Variants in FOXN3 observed in about 807,000 individuals in gnomAD.
FOXN3 encodes the protein forkhead box protein N3.
Under a neutral mutation model 38.4 loss-of-function variants are expected in FOXN3, and 7 were observed. That is an observed-to-expected ratio of 0.18 (90% confidence interval 0.10 to 0.34). The LOEUF (loss-of-function observed/expected upper bound fraction) is 0.34. Among genes scored for constraint, FOXN3 ranks in the 10% least tolerant of loss-of-function variants. FOXN3 has a pLI of 1.00. For missense variants in FOXN3, 456 were observed against 613.4 expected, an observed-to-expected ratio of 0.74 and a Z score of 2.71; for synonymous variants, 230 against 242.2, an observed-to-expected ratio of 0.95 and a Z score of 0.47.
At chr14:89,584,419 A>C (rs1027613478) in intron 1 of FOXN3, among the ~76,000 whole-genome samples, 7 of 152,080 alleles carry the variant, frequency 4.6e-5, no homozygotes, top group African/African-American at 1.7e-4. Flanking sequence ...AATAATAAAT[A>C]AATAACCTAG....
At chr14:89,229,152 T>C (rs1884726427) in intron 4 of FOXN3, among the ~76,000 whole-genome samples, 1 of 152,114 alleles carries the variant, frequency 6.6e-6, no homozygotes, top group Non-Finnish European at 1.5e-5. Context: ...ATGGCTGCTC[T>C]CCAGCACTCG....
intron 1 of FOXN3, among the ~76,000 whole-genome samples, chr14:89,512,923 G>A (rs947266639): frequency 1.2e-4 from 19 of 152,060 alleles, no homozygotes; most frequent in African/African-American, 3.9e-4. Flanking sequence ...GGTGGATCAC[G>A]AGGTCAGGAG....
chr14:89,405,281 C>T (rs570531674), intron 2 of FOXN3, among the ~76,000 whole-genome samples: 6 of 152,052 alleles, frequency 3.9e-5, no homozygotes, highest in African/African-American at 1.2e-4. Flanking sequence ...AGATTACAGG[C>T]GCCCGCCACC....
At position 89,272,312 on chromosome 14, in the gene FOXN3, C is replaced by CA. The variant is rs370381848; in HGVS notation, c.745+8637dup. 1.9e-3 allele frequency among the ~76,000 whole-genome samples: 283 copies of CA among 148,724 alleles called. 2 individuals carry two copies. Among genetic ancestry groups the CA allele is most frequent in the African/African-American group, 6.3e-3 (254 of 40,450 alleles). ...TGGGTGACAGAGCGAAACTCTGTTT[C>CA]AAAAAAAAAGAAGTGATGGTTGCAC... On this transcript the variant is annotated intron_variant, in intron 4 of 5. Transcript: ENST00000557258.
chr14:89,195,406 G>C (rs1454771606), intron 4 of FOXN3, among the ~76,000 whole-genome samples: 1 of 152,214 alleles, frequency 6.6e-6, no homozygotes, highest in Non-Finnish European at 1.5e-5. Flanking sequence ...AGAGACTACT[G>C]GTGGTTTACC....
intron 1 of FOXN3, among the ~76,000 whole-genome samples, chr14:89,452,959 A>G (rs1596279719): frequency 6.6e-6 from 1 of 151,964 alleles, no homozygotes; most frequent in East Asian, 1.9e-4. Flanking sequence ...AGCACTTTGG[A>G]AGGCCGAGAT....
intron 3 of FOXN3, among the ~76,000 whole-genome samples, chr14:89,338,180 A>T (rs765930211): frequency 1.3e-5 from 2 of 152,150 alleles, no homozygotes; most frequent in Admixed American, 6.5e-5. Flanking sequence ...ATTGTCTTTC[A>T]TAGAGTCCAG....
chr14:89,435,327 G>T (rs531573958), intron 1 of FOXN3, among the ~76,000 whole-genome samples: 1 of 150,540 alleles, frequency 6.6e-6, no homozygotes. Flanking sequence ...AGCTATGATT[G>T]TGCCACTGCA....
intron 1 of FOXN3, among the ~76,000 whole-genome samples, chr14:89,586,744 C>A (rs2139919428): frequency 6.6e-6 from 1 of 152,320 alleles, no homozygotes; most frequent in South Asian, 2.1e-4. Flanking sequence ...CTGGTATTCC[C>A]TCCCACCATT....
intron 2 of FOXN3, among the ~76,000 whole-genome samples, chr14:89,387,196 C>A (rs1890813534): frequency 6.6e-6 from 1 of 152,176 alleles, no homozygotes; most frequent in South Asian, 2.1e-4. Context: ...GCGAAGGTTG[C>A]AGTAAGCCGA....
intron 4 of FOXN3, among the ~76,000 whole-genome samples, chr14:89,190,765 C>T (rs576596810): frequency 6.6e-6 from 1 of 152,022 alleles, no homozygotes; most frequent in Admixed American, 6.6e-5. Flanking sequence ...CAGCTTTTAC[C>T]GTGGGGTGAG....
intron 1 of FOXN3, among the ~76,000 whole-genome samples, chr14:89,431,671 G>A (rs1045950153): frequency 2.6e-5 from 4 of 152,114 alleles, no homozygotes; most frequent in Non-Finnish European, 5.9e-5. Flanking sequence ...TGAGTGGGAG[G>A]TACAGAGATT....
chr14:89,172,091 T>C (rs921385365), intron 5 of FOXN3, among the ~76,000 whole-genome samples: 2 of 152,190 alleles, frequency 1.3e-5, no homozygotes, highest in African/African-American at 4.8e-5. Context: ...TATTAATTTG[T>C]AAAATTTATA....
At chr14:89,549,518 G>A (rs1021254380) in intron 1 of FOXN3, among the ~76,000 whole-genome samples, 3 of 151,720 alleles carry the variant, frequency 2.0e-5, no homozygotes, top group Non-Finnish European at 2.9e-5. Context: ...GCACCTAGTG[G>A]CTTGTGTGAG....
chr14:89,382,284 C>T (rs1890669309), intron 2 of FOXN3, among the ~76,000 whole-genome samples: 1 of 152,020 alleles, frequency 6.6e-6, no homozygotes, highest in African/African-American at 2.4e-5. Flanking sequence ...CCCGGCTGGA[C>T]CGCTGACCCA....
chr14:89,389,154 G>C (rs1010580), intron 2 of FOXN3, among the ~76,000 whole-genome samples: 14,079 of 152,088 alleles, frequency 0.093, 1,618 homozygotes, highest in African/African-American at 0.27. Flanking sequence ...GGAGGAATTT[G>C]TCTTTATGGA....
intron 3 of FOXN3, among the ~76,000 whole-genome samples, chr14:89,285,955 C>G (rs1378789224): frequency 1.3e-5 from 2 of 151,640 alleles, no homozygotes; most frequent in African/African-American, 4.9e-5. Flanking sequence ...CAGCCTCCAG[C>G]TCCTGGACTC....
At position 89,159,109 on chromosome 14, in the gene FOXN3, T is replaced by A. The variant is rs1887041501; in HGVS notation, c.*3305A>T. The A allele has an allele frequency of 6.6e-6, 1 of 152,666 alleles. No homozygotes were observed. The highest frequency in any genetic ancestry group is 2.1e-4 in the South Asian group (1 of 4,832). The allele number at this position is 152,666 out of a possible 1,614,324, so 9.5% of individuals were successfully genotyped here. A position where few individuals can be genotyped will look rare whatever the true frequency, so the allele number is the denominator to read the frequency against. ...ATTCTTTCACAAATAGGCTTGTGCTTAAATTCTCTACTGCTCTTGGAGGAG... is the reference window on the plus strand; with the variant it reads ...ATTCTTTCACAAATAGGCTTGTGCTAAAATTCTCTACTGCTCTTGGAGGAG... On this transcript the variant is annotated 3_prime_UTR_variant, in exon 6 of 6. Coordinates refer to ENST00000557258, the MANE Select transcript of FOXN3 (RefSeq NM_005197.4).
At chr14:89,199,928 C>A (rs552155188) in intron 4 of FOXN3, among the ~76,000 whole-genome samples, 23 of 151,366 alleles carry the variant, frequency 1.5e-4, no homozygotes, top group Admixed American at 6.6e-4. Context: ...ACAACAACAA[C>A]AAAAACAACA....
Sources: allele counts gnomAD v4.1 joint callset (sites outside exome capture counted in the v4.1 genomes callset), GRCh38; gene constraint gnomAD v4.1.1; transcripts MANE v1.5; gene names NCBI Gene and HGNC (gene_info 2026-07-23, HGNC 2026-07-21).